ABCB7: variants seen among roughly 807,000 people sequenced by gnomAD.
ABCB7 encodes iron-sulfur clusters transporter ABCB7, mitochondrial.
A neutral mutation model predicts 54.4 loss-of-function variants in ABCB7; 7 were observed. That is an observed-to-expected ratio of 0.13 (90% CI 0.07 to 0.24). The LOEUF (loss-of-function observed/expected upper bound fraction) is 0.24, where lower values mean the gene tolerates loss of function less well. Ranked by LOEUF, ABCB7 falls within the 10% of genes least tolerant of loss-of-function variation. The pLI is 1.00. For synonymous variants in ABCB7, 218 were observed against 207.1 expected (o/e 1.05, Z -0.45); for missense variants, 356 against 570.4 (o/e 0.62, Z 3.83).
intron 1 of ABCB7, among the ~76,000 whole-genome samples, chrX:75,126,834 T>C (rs2081934574): frequency 9.0e-6 from 1 of 111,388 alleles, no homozygotes; most frequent in African/African-American, 3.3e-5. Context: ...CCTGGACACA[T>C]GCACCCTCCC....
At chrX:75,115,730 G>C (rs1216189664) in intron 1 of ABCB7, among the ~76,000 whole-genome samples, 1 of 108,004 alleles carries the variant, frequency 9.3e-6, no homozygotes, top group Non-Finnish European at 1.9e-5. Context: ...TGGCCAAGGG[G>C]ACCCCAAAGA....
intron 15 of ABCB7, among the ~76,000 whole-genome samples, chrX:75,055,267 A>C (rs975679955): frequency 1.8e-5 from 2 of 110,099 alleles, no homozygotes; most frequent in South Asian, 3.9e-4. Context: ...CCTTCTCTCT[A>C]TATATACATG....
intron 4 of ABCB7, among the ~76,000 whole-genome samples, chrX:75,089,230 C>T (rs949348552): frequency 1.8e-5 from 2 of 111,370 alleles, no homozygotes; most frequent in African/African-American, 6.5e-5. Context: ...TGGTCAAAAC[C>T]TCAGATTTAC....
intron 8 of ABCB7, among the ~76,000 whole-genome samples, chrX:75,072,054 C>T (rs186433792): frequency 5.4e-5 from 6 of 111,470 alleles, no homozygotes; most frequent in African/African-American, 1.6e-4. Context: ...TAAATTCTCT[C>T]GGTACAGTAT....
intron 4 of ABCB7, among the ~76,000 whole-genome samples, chrX:75,095,356 G>T (rs2147499293): frequency 8.9e-6 from 1 of 111,883 alleles, no homozygotes; most frequent in East Asian, 2.8e-4. Flanking sequence ...ATATGCCAAA[G>T]CATATATTCA....
In ABCB7 at chrX:75,051,154, A is replaced by C. The variant is rs1172239177; in HGVS notation, c.*2216T>G. Reference sequence around the variant, plus strand: ...AATGTTGAAAAGGAAAAAAAAAAAAAAACTAATCCACTTTTCAGTTGATTA... The same window carrying C: ...AATGTTGAAAAGGAAAAAAAAAAAACAACTAATCCACTTTTCAGTTGATTA... On this transcript the variant is annotated 3_prime_UTR_variant, in exon 16 of 16. Transcript: ENST00000373394. Among the ~76,000 whole-genome samples the C allele has an allele frequency of 1.8e-5, 2 of 110,674 alleles. No individual in the cohort carries two copies. The highest frequency in any genetic ancestry group is 1.9e-5 in the Non-Finnish European group (1 of 52,825).
chrX:75,081,096 C>T (rs936002237), intron 4 of ABCB7, among the ~76,000 whole-genome samples: 16 of 111,744 alleles, frequency 1.4e-4, no homozygotes, highest in Non-Finnish European at 2.6e-4. Context: ...AGGAGGCCTG[C>T]TAAACAGAAG....
rs991139067 is a variant in ABCB7, at chrX:75,051,817, T to C, written c.*1553A>G. ...TATTTTTTAAATGGACACTGATTTATACACGTGTGAGCATGTGCATACATG... is the reference window on the plus strand; with the variant it reads ...TATTTTTTAAATGGACACTGATTTACACACGTGTGAGCATGTGCATACATG... On this transcript the variant is annotated 3_prime_UTR_variant, in exon 16 of 16. Transcript: ENST00000373394. The C allele has an allele frequency of 3.5e-5, 4 of 112,762 alleles. No homozygotes were observed. Among genetic ancestry groups the C allele is most frequent in the African/African-American group, 1.3e-4 (4 of 31,059 alleles). 9.3% of individuals were successfully genotyped at this position (112,762 alleles called of 1,213,427 possible).
chrX:75,079,547 C>T (rs2081438831), intron 4 of ABCB7, among the ~76,000 whole-genome samples: 1 of 111,425 alleles, frequency 9.0e-6, no homozygotes. Flanking sequence ...CAAAACAGTA[C>T]GTAGTACAAA....
At chrX:75,088,385 A>T (rs2081516413) in intron 4 of ABCB7, among the ~76,000 whole-genome samples, 1 of 112,730 alleles carries the variant, frequency 8.9e-6, no homozygotes, top group Admixed American at 9.4e-5. Flanking sequence ...CCAGGAATTT[A>T]AAATGCCAAA....
At chrX:75,088,589 C>A (rs925145163) in intron 4 of ABCB7, among the ~76,000 whole-genome samples, 15 of 111,038 alleles carry the variant, frequency 1.4e-4, no homozygotes, top group African/African-American at 4.6e-4. Context: ...AGACGTATGT[C>A]AGTGAAAACT....
intron 3 of ABCB7, among the ~76,000 whole-genome samples, chrX:75,106,693 T>C (rs2081705376): frequency 8.9e-6 from 1 of 111,779 alleles, no homozygotes; most frequent in Non-Finnish European, 1.9e-5. Context: ...CCTGCACTCA[T>C]ATGTTTACCA....
intron 12 of ABCB7, among the ~76,000 whole-genome samples, chrX:75,065,556 A>G (rs1445482496): frequency 1.8e-5 from 2 of 111,772 alleles, no homozygotes; most frequent in Non-Finnish European, 3.8e-5. Flanking sequence ...CATATCATAG[A>G]GATTGTCCAT....
chrX:75,100,999 T>C (rs2081634760), intron 3 of ABCB7, among the ~76,000 whole-genome samples: 1 of 111,437 alleles, frequency 9.0e-6, no homozygotes, highest in Non-Finnish European at 1.9e-5. Context: ...ATGTATGTAG[T>C]GACAGAGGAA....
intron 4 of ABCB7, among the ~76,000 whole-genome samples, chrX:75,085,541 C>T (rs902772563): frequency 2.7e-5 from 3 of 110,730 alleles, no homozygotes; most frequent in African/African-American, 9.9e-5. Context: ...TGAATACACA[C>T]GTGTTAAAAA....
chrX:75,097,166 G>A (rs759594747), intron 4 of ABCB7, among the ~76,000 whole-genome samples: 1 of 111,163 alleles, frequency 9.0e-6, no homozygotes, highest in Admixed American at 9.5e-5. Flanking sequence ...TCACATTTAC[G>A]AGCTCTAATC....
intron 3 of ABCB7, among the ~76,000 whole-genome samples, chrX:75,100,668 C>T (rs1024582474): frequency 1.3e-4 from 14 of 111,489 alleles, no homozygotes; most frequent in African/African-American, 4.2e-4. Flanking sequence ...TTATTCCTTT[C>T]TTTCACAGTA....
intron 1 of ABCB7, among the ~76,000 whole-genome samples, chrX:75,125,992 T>G (rs2081923316): frequency 9.0e-6 from 1 of 111,220 alleles, no homozygotes; most frequent in African/African-American, 3.3e-5. Flanking sequence ...AAAAATTCCA[T>G]GAGGTGACTA....
intron 1 of ABCB7, among the ~76,000 whole-genome samples, chrX:75,132,386 C>T (rs1176052036): frequency 8.8e-6 from 1 of 113,352 alleles, no homozygotes; most frequent in African/African-American, 3.2e-5. Flanking sequence ...GCTGATCGTT[C>T]TGACTGACAG....
Sources: gnomAD v4.1 joint callset for allele counts (sites outside exome capture counted in the v4.1 genomes callset) on GRCh38, gnomAD v4.1.1 for gene constraint, MANE v1.5 for transcripts, NCBI Gene and HGNC (gene_info 2026-07-23, HGNC 2026-07-21) for gene names.